Variants in TOPAZ1 observed in about 807,000 individuals in gnomAD.
TOPAZ1 encodes the protein testis and ovary specific TOPAZ 1, also known as protein TOPAZ1.
Under a neutral mutation model 172.2 loss-of-function variants are expected in TOPAZ1, and 66 were observed. The ratio of observed to expected loss-of-function variants is 0.38; its 90% CI spans 0.31 to 0.47. The LOEUF is 0.47. Among genes scored for constraint, TOPAZ1 ranks in the 20% least tolerant of loss-of-function variants. TOPAZ1 has a pLI of 0.99. For missense variants in TOPAZ1, 1,822 were observed against 1,972.4 expected, an observed-to-expected ratio of 0.92 and a Z score of 1.44; for synonymous variants, 681 against 683.9, an observed-to-expected ratio of 1.00 and a Z score of 0.07.
chr3:44,299,306 C>T (rs1051249193), intron 12 of TOPAZ1, among the ~76,000 whole-genome samples: 1 of 152,040 alleles, frequency 6.6e-6, no homozygotes, highest in African/African-American at 2.4e-5. Flanking sequence ...TGAACAGACA[C>T]GTCTCAAAAG....
intron 8 of TOPAZ1, among the ~76,000 whole-genome samples, chr3:44,280,490 C>G (rs771596267): frequency 6.6e-6 from 1 of 151,986 alleles, no homozygotes; most frequent in Non-Finnish European, 1.5e-5. Flanking sequence ...GCTGGGACTA[C>G]AGGCATGTCA....
chr3:44,259,992 G>T (rs1699757801), intron 4 of TOPAZ1, among the ~76,000 whole-genome samples: 1 of 152,170 alleles, frequency 6.6e-6, no homozygotes, highest in Admixed American at 6.5e-5. Context: ...CATTGGGGCA[G>T]TTCCCCCATA....
At chr3:44,298,910 T>TATATATATATATATATATA (rs1491140048) in intron 12 of TOPAZ1, among the ~76,000 whole-genome samples, 13 of 16,158 alleles carry the variant, frequency 8.0e-4, no homozygotes, top group Non-Finnish European at 1.4e-3. Flanking sequence ...TATATATATA[T>TATATATATATATATATATA]TTTTTTTTTT....
intron 6 of TOPAZ1, 95 bp downstream of exon 6, chr3:44,267,231 A>G: frequency 1.9e-6 from 2 of 1,047,350 alleles, no homozygotes; most frequent in South Asian, 2.2e-5. Flanking sequence ...TTAAAAAAGA[A>G]AAATGGAATC....
intron 4 of TOPAZ1, among the ~76,000 whole-genome samples, chr3:44,257,300 C>T (rs983985402): frequency 6.6e-6 from 1 of 150,798 alleles, no homozygotes; most frequent in Non-Finnish European, 1.5e-5. Context: ...CGGGCCACTG[C>T]ACTCCAGCCT....
At chr3:44,311,168 T>A (rs187932164) in intron 16 of TOPAZ1, among the ~76,000 whole-genome samples, 1 of 152,280 alleles carries the variant, frequency 6.6e-6, no homozygotes, top group East Asian at 1.9e-4. Context: ...ATGGGAAATA[T>A]ATGTATATAA....
At position 44,328,319 on chromosome 3, in the gene TOPAZ1, C is replaced by T; in HGVS notation, c.4745C>T (p.Ser1582Phe). 1 of 1,517,422 alleles carries T rather than the reference C, an allele frequency of 6.6e-7. No homozygotes were observed. The highest frequency in any genetic ancestry group is 2.7e-5 in the East Asian group (1 of 37,458). 94.0% of individuals were successfully genotyped at this position (1,517,422 alleles called of 1,614,324 possible). A position where few individuals can be genotyped will look rare whatever the true frequency, so the allele number is the denominator to read the frequency against. ...TACCGAAAACTTCTTCTAATTCCAT[C>T]TTATTTATCTGAGATTGAAATGCTC... ...NLYRKLLLIP[S>F]YLSEIEMLLA... The change falls in exon 19 of 20, where the codon TCT becomes TTT. Residue 1582 changes from serine (S) to phenylalanine (F), a missense_variant. Physicochemically the swap from Ser to Phe is radical, Grantham distance 155. Around this residue, in one of 2 missense-constraint regions of TOPAZ1, gnomAD observed 333 missense variants for 481.7 expected, o/e 0.69. Transcript: ENST00000309765.
intron 2 of TOPAZ1, among the ~76,000 whole-genome samples, chr3:44,254,627 CA>C (rs10579109): frequency 0.029 from 2,417 of 83,062 alleles, 37 homozygotes; most frequent in Non-Finnish European, 0.037. Context: ...AACTCCGTCT[CA>C]AAAAAAAAAA....
intron 16 of TOPAZ1, among the ~76,000 whole-genome samples, chr3:44,314,850 A>G (rs1227200129): frequency 6.6e-6 from 1 of 152,124 alleles, no homozygotes; most frequent in Admixed American, 6.5e-5. Context: ...TCAGGTTTTT[A>G]GATGTTGTTG....
chr3:44,332,199 G>T (rs780991914), downstream of TOPAZ1: 6 of 540,262 alleles, frequency 1.1e-5, no homozygotes, highest in Non-Finnish European at 1.3e-5. Context: ...ACACAGAAAA[G>T]TGACTTTTCA....
intron 19 of TOPAZ1, among the ~76,000 whole-genome samples, chr3:44,329,474 T>C (rs2125707621): frequency 6.6e-6 from 1 of 152,336 alleles, no homozygotes. Flanking sequence ...TCTCCCAGAA[T>C]GAGTGATCCA....
chr3:44,306,513 A>G, intron 15 of TOPAZ1, 87 bp downstream of exon 15: 1 of 706,006 alleles, frequency 1.4e-6, no homozygotes. Flanking sequence ...CCTGCAAATT[A>G]GGAGTTTGCT....
Position 44,281,963 on chromosome 3 carries a change from T to C in TOPAZ1, c.3373-5T>C. The C allele has an allele frequency of 1.9e-6, 3 of 1,539,530 alleles. No individual in the cohort carries two copies. The highest frequency in any genetic ancestry group is 2.6e-6 in the Non-Finnish European group (3 of 1,139,320). On this transcript the variant is annotated splice_region_variant and splice_polypyrimidine_tract_variant and intron_variant, in intron 8 of 19. Transcript: ENST00000309765. ...GTAGTTTTACATTTTTCGTGACTTT[T>C]GCAGGTTTGCATGGATGTGTTTAAG...
intron 1 of TOPAZ1, 99 bp downstream of exon 1, chr3:44,242,498 T>C: frequency 8.0e-7 from 1 of 1,247,130 alleles, no homozygotes; most frequent in Non-Finnish European, 1.1e-6. Context: ...TGCATGGTTA[T>C]TTCTGATGCA....
intron 9 of TOPAZ1, among the ~76,000 whole-genome samples, chr3:44,286,085 C>T (rs1239226726): frequency 6.6e-6 from 1 of 151,682 alleles, no homozygotes; most frequent in Non-Finnish European, 1.5e-5. Context: ...TTTGGTGGTG[C>T]ATGCTTGTAA....
intron 8 of TOPAZ1, among the ~76,000 whole-genome samples, chr3:44,276,793 GT>G (rs529865946): frequency 3.5e-4 from 53 of 151,154 alleles, no homozygotes; most frequent in Admixed American, 2.8e-3. Flanking sequence ...CAGCTTTTTT[GT>G]TTTTTTGGTT....
intron 6 of TOPAZ1, among the ~76,000 whole-genome samples, chr3:44,268,813 A>G (rs961047116): frequency 6.6e-6 from 1 of 152,116 alleles, no homozygotes; most frequent in Non-Finnish European, 1.5e-5. Flanking sequence ...GGGCTTCAAC[A>G]TGTTAATTTT....
chr3:44,308,084 G>A (rs1266366575), intron 15 of TOPAZ1, among the ~76,000 whole-genome samples: 2 of 152,156 alleles, frequency 1.3e-5, no homozygotes, highest in African/African-American at 2.4e-5. Flanking sequence ...GACCAGCCTA[G>A]CCAACATGGT....
chr3:44,323,047 A>C (rs1300592548), intron 17 of TOPAZ1, 45 bp from the exon 18 acceptor site: 1 of 1,338,188 alleles, frequency 7.5e-7, no homozygotes, highest in East Asian at 2.5e-5. Flanking sequence ...GGTTTGAGAC[A>C]CTTTAATATA....
Sources: gnomAD v4.1 joint callset for allele counts (sites outside exome capture counted in the v4.1 genomes callset) on GRCh38, gnomAD v4.1.1 for gene constraint, gnomAD v4.1.1 regional missense constraint, MANE v1.5 for transcripts, NCBI Gene and HGNC (gene_info 2026-07-23, HGNC 2026-07-21) for gene names.